ZNF471: variants seen among roughly 807,000 people sequenced by gnomAD.
ZNF471 encodes the protein EZFIT-related protein 1.
Under a neutral mutation model 13.7 loss-of-function variants are expected in ZNF471, and 7 were observed. The observed-to-expected ratio is 0.51, with a 90% CI of 0.29 to 0.96. The LOEUF is 0.96. Ranked by LOEUF, ZNF471 falls within the 40% of genes least tolerant of loss-of-function variation. The pLI is 0.08. For synonymous variants in ZNF471, 218 were observed against 235.6 expected (o/e 0.93, Z 0.68); for missense variants, 663 against 743.3 (o/e 0.89, Z 1.26).
intron 4 of ZNF471, among the ~76,000 whole-genome samples, chr19:56,523,671 A>G (rs929328768): frequency 6.6e-6 from 1 of 152,216 alleles, no homozygotes; most frequent in African/African-American, 2.4e-5. Context: ...CAAAGTTAAC[A>G]TAACTGTATA....
chr19:56,518,620 T>C, intron 4 of ZNF471, 43 bp downstream of exon 4: 1 of 1,541,556 alleles, frequency 6.5e-7, no homozygotes, highest in African/African-American at 1.4e-5. Flanking sequence ...TTTGACATAA[T>C]GGCTCAGCCA....
At chr19:56,514,158 T>C (rs1283932858) in intron 2 of ZNF471, among the ~76,000 whole-genome samples, 2 of 150,550 alleles carry the variant, frequency 1.3e-5, no homozygotes, top group African/African-American at 4.9e-5. Context: ...GCCTCTCCAG[T>C]TCAAGCAATT....
In ZNF471 at chr19:56,510,771, T is replaced by C. The variant is rs2043799068; in HGVS notation, c.-55-746T>C. On this transcript the variant is annotated intron_variant, in intron 1 of 4. Transcript: ENST00000308031. The surrounding 1 kb of genome is among the most constrained non-coding windows in gnomAD (Gnocchi z 4.3). The stretch of plus-strand genomic sequence containing the variant: ...ATGAGTGTGGCTGTTTGGAATTGTG[T>C]GTTGCCGGGATAGGAAATGTGGAAT... The C allele has an allele frequency of 1.0e-6, 1 of 985,454 alleles. No individual in the cohort carries two copies. Among genetic ancestry groups the C allele is most frequent in the Non-Finnish European group, 1.2e-6 (1 of 829,978 alleles). The allele number at this position is 985,454 out of a possible 1,614,324, so 61.0% of individuals were successfully genotyped here. A position where few individuals can be genotyped will look rare whatever the true frequency, so the allele number is the denominator to read the frequency against.
intron 4 of ZNF471, among the ~76,000 whole-genome samples, chr19:56,521,454 T>C (rs547287567): frequency 6.6e-6 from 1 of 152,020 alleles, no homozygotes; most frequent in Non-Finnish European, 1.5e-5. Flanking sequence ...CTGGCTAACA[T>C]GGTGAAACCC....
chr19:56,508,138 G>C lies in ZNF471; in HGVS notation c.-56+218G>C. 1 of 985,432 alleles carries C rather than the reference G, an allele frequency of 1.0e-6. No homozygotes were observed. The highest frequency in any genetic ancestry group is 1.2e-6 in the Non-Finnish European group (1 of 829,928). 61.0% of individuals were successfully genotyped at this position (985,432 alleles called of 1,614,324 possible). On this transcript the variant is annotated intron_variant, in intron 1 of 4. Transcript: ENST00000308031. The surrounding 1 kb of genome is among the most constrained non-coding windows in gnomAD (Gnocchi z 4.7). ...GCGTTCGGGGCGGCTTGGGGCGGCG[G>C]GACCACTGGAGTGAGCTGTGGGAGA...
In ZNF471 at chr19:56,529,491, A is replaced by C. The variant is rs1444606526; in HGVS notation, c.*3543A>C. On this transcript the variant is annotated 3_prime_UTR_variant, in exon 5 of 5. Transcript: ENST00000308031. ...AATGACAGGACTGTGTAGAAGATTT[A>C]AACCTTTTTCATGGCGTAAGATACT... The C allele has an allele frequency of 6.6e-6, 1 of 152,222 alleles. No individual in the cohort carries two copies. The highest frequency in any genetic ancestry group is 1.5e-5 in the Non-Finnish European group (1 of 68,042). The allele number at this position is 152,222 out of a possible 1,614,324, so 9.4% of individuals were successfully genotyped here.
chr19:56,516,197 G>A lies in ZNF471; in HGVS notation c.34-78G>A. On this transcript the variant is annotated intron_variant, in intron 2 of 4. Transcript: ENST00000308031. This position sits in a 1 kb window ranked among gnomAD's most constrained non-coding sequence, Gnocchi z 4.4. ...TTCTATGAGTTATTTCTCACCTAAAGTAGAGACACTTTGGATCAACTCAGA... is the reference window on the plus strand; with the variant it reads ...TTCTATGAGTTATTTCTCACCTAAAATAGAGACACTTTGGATCAACTCAGA... The A allele has an allele frequency of 1.4e-6, 2 of 1,455,216 alleles. No individual in the cohort carries two copies. Among genetic ancestry groups the A allele is most frequent in the South Asian group, 1.2e-5 (1 of 82,642 alleles). 90.1% of individuals were successfully genotyped at this position (1,455,216 alleles called of 1,614,324 possible).
At chr19:56,519,936 T>C (rs1252387032) in intron 4 of ZNF471, among the ~76,000 whole-genome samples, 1 of 152,238 alleles carries the variant, frequency 6.6e-6, no homozygotes, top group Non-Finnish European at 1.5e-5. Flanking sequence ...CTACCTGCCT[T>C]TTAGTCTCTT....
At position 56,510,158 on chromosome 19, in the gene ZNF471, AG is replaced by A; in HGVS notation, c.-55-1358del. On this transcript the variant is annotated intron_variant, in intron 1 of 4. Coordinates refer to ENST00000308031, the MANE Select transcript of ZNF471 (RefSeq NM_020813.4). The surrounding 1 kb of genome is among the most constrained non-coding windows in gnomAD (Gnocchi z 4.3). ...GAAAAAGATTGGAGTGAGAGTGACC[AG>A]TATGTATTTTGTGTGCATGAGATAA... The A allele has an allele frequency of 1.0e-6, 1 of 985,456 alleles. No individual in the cohort carries two copies. Among genetic ancestry groups the A allele is most frequent in the East Asian group, 1.1e-4 (1 of 8,804 alleles). The allele number at this position is 985,456 out of a possible 1,614,324, so 61.0% of individuals were successfully genotyped here. A position where few individuals can be genotyped will look rare whatever the true frequency, so the allele number is the denominator to read the frequency against.
In ZNF471 at chr19:56,528,924, T is replaced by TAA. The variant is rs1568479196; in HGVS notation, c.*2976_*2977insAA. On this transcript the variant is annotated 3_prime_UTR_variant, in exon 5 of 5. Transcript: ENST00000308031. Reference sequence around the variant, plus strand: ...AAAGTTGTTCTGGAGTATATTTTTTTTAAAAAAAACACTTAAAATGTTCCA... The same window carrying TAA: ...AAAGTTGTTCTGGAGTATATTTTTTTAATAAAAAAAACACTTAAAATGTTCCA... 1.1e-5 allele frequency: 1 copy of TAA among 89,790 alleles called. No homozygotes were observed. Among genetic ancestry groups the TAA allele is most frequent in the Non-Finnish European group, 2.6e-5 (1 of 38,098 alleles). The allele number at this position is 89,790 out of a possible 1,614,324, so 5.6% of individuals were successfully genotyped here.
At chr19:56,511,728 A>G in intron 2 of ZNF471, 124 bp downstream of exon 2, 1 of 754,640 alleles carries the variant, frequency 1.3e-6, no homozygotes, top group South Asian at 1.7e-5. Context: ...CACTTCTCTC[A>G]GGGGCCACTG....
At chr19:56,517,629 C>A (rs1396935093) in intron 3 of ZNF471, among the ~76,000 whole-genome samples, 1 of 152,024 alleles carries the variant, frequency 6.6e-6, no homozygotes, top group Non-Finnish European at 1.5e-5. Context: ...TTAATAGAGA[C>A]AGGGTTTCAC....
chr19:56,517,803 T>G (rs7250075), intron 3 of ZNF471, among the ~76,000 whole-genome samples: 1 of 152,154 alleles, frequency 6.6e-6, no homozygotes, highest in African/African-American at 2.4e-5. Flanking sequence ...ACCCTCAATG[T>G]TTGGTTAGGT....
At position 56,525,692 on chromosome 19, in the gene ZNF471, C is replaced by T. The variant is rs765085713; in HGVS notation, c.1625C>T (p.Pro542Leu). 2 of 1,614,026 alleles carry T rather than the reference C, an allele frequency of 1.2e-6. No individual in the cohort carries two copies. Among genetic ancestry groups the T allele is most frequent in the South Asian group, 1.1e-5 (1 of 91,040 alleles). ...QHQKTHTGEK[P>L]YECNECGKAF... ...CAGAAAACTCATACAGGAGAGAAAC[C>T]TTATGAGTGTAATGAATGCGGGAAA... Residue 542 changes from proline to leucine, a missense_variant, in exon 5 of 5, where the codon CCT (proline) becomes CTT (leucine). Transcript: ENST00000308031.
intron 2 of ZNF471, among the ~76,000 whole-genome samples, chr19:56,512,849 A>T (rs1485275483): frequency 1.3e-5 from 2 of 152,194 alleles, no homozygotes; most frequent in Non-Finnish European, 2.9e-5. Flanking sequence ...ATGCTTAATT[A>T]ATTTATATGC....
rs2044073406 is a variant in ZNF471, at chr19:56,528,484, C to T, written c.*2536C>T. On this transcript the variant is annotated 3_prime_UTR_variant, in exon 5 of 5. Coordinates refer to ENST00000308031, the MANE Select transcript of ZNF471 (RefSeq NM_020813.4). ...CAGGGTGGTCTCAAACTCCTGTGCTCAAGTGACCCTCCCACCTCATTCTCA... is the reference window on the plus strand; with the variant it reads ...CAGGGTGGTCTCAAACTCCTGTGCTTAAGTGACCCTCCCACCTCATTCTCA... 1 of 152,158 alleles carries T rather than the reference C, an allele frequency of 6.6e-6. No homozygotes were observed. Among genetic ancestry groups the T allele is most frequent in the African/African-American group, 2.4e-5 (1 of 41,430 alleles). 9.4% of individuals were successfully genotyped at this position (152,158 alleles called of 1,614,324 possible).
rs189754859 is a variant in ZNF471, at chr19:56,511,945, G to A, written c.33+341G>A. 1.2e-3 allele frequency among the ~76,000 whole-genome samples: 187 copies of A among 152,256 alleles called. 1 individual carries two copies. The highest frequency in any genetic ancestry group is 1.6e-3 in the Admixed American group (24 of 15,298). On this transcript the variant is annotated intron_variant, in intron 2 of 4. Transcript: ENST00000308031. ...TCCAGGTTAAATGTGCATGCAGTGC[G>A]TTTCCTATATATAGAATGCATTAGG...
intron 2 of ZNF471, among the ~76,000 whole-genome samples, chr19:56,512,606 T>A (rs1170908152): frequency 1.4e-5 from 2 of 146,442 alleles, no homozygotes; most frequent in Non-Finnish European, 3.1e-5. Flanking sequence ...ATGCCACCTA[T>A]ATCATGCACT....
chr19:56,518,021 A>T (rs923946329), intron 3 of ZNF471, among the ~76,000 whole-genome samples: 3 of 151,964 alleles, frequency 2.0e-5, no homozygotes, highest in African/African-American at 7.3e-5. Flanking sequence ...GTGAGCGTCT[A>T]TTGCTTGCTT....
Sources: allele counts gnomAD v4.1 joint callset (sites outside exome capture counted in the v4.1 genomes callset), GRCh38; gene constraint gnomAD v4.1.1; non-coding constraint Gnocchi (gnomAD v3.1); transcripts MANE v1.5; gene names NCBI Gene and HGNC (gene_info 2026-07-23, HGNC 2026-07-21).